THSD7A: variants seen among roughly 807,000 people sequenced by gnomAD.
THSD7A encodes thrombospondin type-1 domain-containing protein 7A.
Under a neutral mutation model 231.3 loss-of-function variants are expected in THSD7A, and 96 were observed. The observed-to-expected ratio is 0.41, with a 90% CI of 0.35 to 0.49. THSD7A has a LOEUF of 0.49. Among genes scored for constraint, THSD7A ranks in the 20% least tolerant of loss-of-function variants. THSD7A has a pLI of 0.05. For missense variants in THSD7A, 2,290 were observed against 2,070.2 expected, an observed-to-expected ratio of 1.11 and a Z score of -2.06; for synonymous variants, 940 against 743.3, an observed-to-expected ratio of 1.26 and a Z score of -4.30.
intron 2 of THSD7A, among the ~76,000 whole-genome samples, chr7:11,601,449 T>C (rs187439351): frequency 4.6e-5 from 7 of 152,212 alleles, no homozygotes; most frequent in African/African-American, 1.4e-4. Context: ...TGGGCTTCTC[T>C]GCATGTGGCA....
chr7:11,562,921 T>C (rs1790136039), intron 4 of THSD7A, among the ~76,000 whole-genome samples: 1 of 152,216 alleles, frequency 6.6e-6, no homozygotes, highest in African/African-American at 2.4e-5. Flanking sequence ...TTCAGGTATA[T>C]TTTACCAAAG....
chr7:11,429,171 C>T (rs904344806), intron 13 of THSD7A, 46 bp from the exon 14 acceptor site: 61 of 1,509,730 alleles, frequency 4.0e-5, no homozygotes, highest in Non-Finnish European at 5.1e-5. Flanking sequence ...CCACCTGTCA[C>T]TCTCCCATTA....
At chr7:11,380,865 G>C (rs6958033) in intron 24 of THSD7A, among the ~76,000 whole-genome samples, 50,199 of 152,012 alleles carry the variant, frequency 0.33, 8,549 homozygotes, top group Admixed American at 0.39. Flanking sequence ...ACACTTTGCT[G>C]AATTGAAAAG....
chr7:11,707,254 G>A (rs1780799551), intron 1 of THSD7A, among the ~76,000 whole-genome samples: 1 of 150,812 alleles, frequency 6.6e-6, no homozygotes, highest in South Asian at 2.1e-4. Context: ...CCAAGTAGCT[G>A]TAAATCACAG....
chr7:11,631,960 G>A (rs1055322018), intron 2 of THSD7A, among the ~76,000 whole-genome samples: 1 of 152,092 alleles, frequency 6.6e-6, no homozygotes, highest in African/African-American at 2.4e-5. Flanking sequence ...CTGCTTGGAG[G>A]GTTTGCCCTT....
intron 1 of THSD7A, among the ~76,000 whole-genome samples, chr7:11,648,351 T>G (rs1002348046): frequency 3.3e-5 from 5 of 151,992 alleles, no homozygotes; most frequent in Admixed American, 6.6e-5. Flanking sequence ...AGAAATCCCT[T>G]ATGAGCCATG....
At position 11,571,960 on chromosome 7, in the gene THSD7A, AT is replaced by A. The variant is rs915124635; in HGVS notation, c.1453+18499del. ...TGATGTTTTTTTAACTGAATTTGAG[AT>A]TTTTTTTTTGGCCATTATTTCTTCA... On this transcript the variant is annotated intron_variant, in intron 4 of 27. Coordinates refer to ENST00000423059, the MANE Select transcript of THSD7A (RefSeq NM_015204.3). 1.6e-4 allele frequency among the ~76,000 whole-genome samples: 23 copies of A among 147,136 alleles called. No homozygotes were observed. The East Asian group carries it at 1.6e-3, about 10-fold the overall frequency.
intron 1 of THSD7A, among the ~76,000 whole-genome samples, chr7:11,762,515 C>A (rs1398338664): frequency 6.6e-6 from 1 of 152,100 alleles, no homozygotes; most frequent in African/African-American, 2.4e-5. Context: ...TGTTTGCTGG[C>A]CGCTCAGGTG....
intron 6 of THSD7A, among the ~76,000 whole-genome samples, chr7:11,496,768 A>G (rs1787119430): frequency 6.6e-6 from 1 of 152,222 alleles, no homozygotes; most frequent in Non-Finnish European, 1.5e-5. Context: ...TCACTCAAAC[A>G]TGCAAAACAT....
intron 1 of THSD7A, among the ~76,000 whole-genome samples, chr7:11,679,983 G>T (rs1783803549): frequency 6.6e-6 from 1 of 151,906 alleles, no homozygotes; most frequent in Admixed American, 6.6e-5. Context: ...GCATGGTACT[G>T]GTACCAAAAC....
chr7:11,739,615 C>T (rs756276355), intron 1 of THSD7A, among the ~76,000 whole-genome samples: 1 of 151,566 alleles, frequency 6.6e-6, no homozygotes, highest in Non-Finnish European at 1.5e-5. Flanking sequence ...AAGAGGGTCT[C>T]ACTATGTTCC....
intron 1 of THSD7A, among the ~76,000 whole-genome samples, chr7:11,741,516 G>A (rs531765006): frequency 7.9e-5 from 12 of 151,908 alleles, no homozygotes; most frequent in African/African-American, 2.7e-4. Flanking sequence ...CTCACGAGTG[G>A]TTTTTTAGTC....
intron 4 of THSD7A, among the ~76,000 whole-genome samples, chr7:11,570,614 A>G (rs1342486276): frequency 1.3e-5 from 2 of 152,258 alleles, no homozygotes; most frequent in East Asian, 1.9e-4. Context: ...AATACACTCA[A>G]TTATTATGTG....
chr7:11,645,492 ATTTAT>A (rs746207156), intron 1 of THSD7A, among the ~76,000 whole-genome samples: 68 of 151,956 alleles, frequency 4.5e-4, no homozygotes, highest in African/African-American at 1.6e-3. Flanking sequence ...CTTCTTATAG[ATTTAT>A]TTTATTTAAA....
Position 11,748,164 on chromosome 7 carries a change from G to A in THSD7A, c.190+83593C>T, listed in dbSNP as rs145521485. 2.0e-3 allele frequency among the ~76,000 whole-genome samples: 306 copies of A among 152,056 alleles called. 2 individuals carry two copies. The highest frequency in any genetic ancestry group is 0.015 in the East Asian group (75 of 5,130). Reference sequence around the variant, plus strand: ...CAACTGCAGGAGAGAATGTGTGAGGGCCTGAGTATCACAACAGGAATGGAG... The same window carrying A: ...CAACTGCAGGAGAGAATGTGTGAGGACCTGAGTATCACAACAGGAATGGAG... On this transcript the variant is annotated intron_variant, in intron 1 of 27. Coordinates refer to ENST00000423059, the MANE Select transcript of THSD7A (RefSeq NM_015204.3).
At chr7:11,455,890 A>G (rs1025904812) in intron 11 of THSD7A, among the ~76,000 whole-genome samples, 1 of 152,066 alleles carries the variant, frequency 6.6e-6, no homozygotes, top group African/African-American at 2.4e-5. Flanking sequence ...ATGTCATCAC[A>G]GATAGTTCCT....
At chr7:11,639,994 A>T (rs1782019017) in intron 1 of THSD7A, among the ~76,000 whole-genome samples, 1 of 152,200 alleles carries the variant, frequency 6.6e-6, no homozygotes, top group Non-Finnish European at 1.5e-5. Context: ...AAAGTAGAAG[A>T]TGGTTGCTTT....
Position 11,444,062 on chromosome 7 carries a change from C to A in THSD7A, c.3064+1999G>T, listed in dbSNP as rs1375287617. Among the ~76,000 whole-genome samples, 2 of 152,092 alleles carry A rather than the reference C, an allele frequency of 1.3e-5. No homozygotes were observed. The highest frequency in any genetic ancestry group is 2.1e-4 in the South Asian group (1 of 4,838). On this transcript the variant is annotated intron_variant, in intron 13 of 27. Transcript: ENST00000423059. This position sits in a 1 kb window ranked among gnomAD's most constrained non-coding sequence, Gnocchi z 4.2. The stretch of plus-strand genomic sequence containing the variant: ...ACATATGAAAAAAAGCTCATCATCA[C>A]TGGTCATTAGAGAAATGCAAATCAA...
intron 1 of THSD7A, among the ~76,000 whole-genome samples, chr7:11,705,957 T>A (rs928904189): frequency 6.6e-5 from 10 of 150,986 alleles, no homozygotes; most frequent in Non-Finnish European, 4.5e-5. Flanking sequence ...AATAAATTCA[T>A]ATAATTATAA....
Sources: allele counts gnomAD v4.1 joint callset (sites outside exome capture counted in the v4.1 genomes callset), GRCh38; gene constraint gnomAD v4.1.1; non-coding constraint Gnocchi (gnomAD v3.1); transcripts MANE v1.5; gene names NCBI Gene and HGNC (gene_info 2026-07-23, HGNC 2026-07-21).